Variants in CPO observed in about 807,000 individuals in gnomAD.
CPO encodes the protein carboxypeptidase O.
CPO carries 43 observed loss-of-function variants against 41.2 expected under a neutral mutation model. That is an observed-to-expected ratio of 1.04 (90% CI 0.82 to 1.35). CPO has a LOEUF of 1.35. Ranked by LOEUF, CPO falls within the 40% of genes most tolerant of loss-of-function variation. The pLI, the probability that CPO is intolerant of heterozygous loss-of-function variation, is 0.00. For missense variants in CPO, 408 were observed against 451.7 expected (o/e 0.90, Z 0.88); for synonymous variants, 178 against 162.7 (o/e 1.09, Z -0.72).
chr2:206,952,882 G>A (rs1417234916), intron 2 of CPO, among the ~76,000 whole-genome samples: 1 of 152,188 alleles, frequency 6.6e-6, no homozygotes, highest in Non-Finnish European at 1.5e-5. Context: ...GGTGGAATGT[G>A]AAGGAGGAGC....
intron 2 of CPO, among the ~76,000 whole-genome samples, chr2:206,951,737 T>G (rs1210523509): frequency 6.6e-6 from 1 of 152,252 alleles, no homozygotes; most frequent in African/African-American, 2.4e-5. Context: ...AACTTTTTAA[T>G]CCTCAGCTTC....
intron 7 of CPO, 119 bp from the exon 8 acceptor site, chr2:206,968,144 T>C (rs919125240): frequency 1.8e-5 from 13 of 723,540 alleles, no homozygotes; most frequent in East Asian, 2.7e-5. Context: ...AGATGTCCGA[T>C]GGGAAGTTGG....
At chr2:206,944,730 A>T (rs904855888) in intron 1 of CPO, among the ~76,000 whole-genome samples, 1 of 152,010 alleles carries the variant, frequency 6.6e-6, no homozygotes, top group African/African-American at 2.4e-5. Context: ...AATATTACTA[A>T]CAATTAATAA....
At chr2:206,959,351 C>T (rs957389995) in intron 4 of CPO, among the ~76,000 whole-genome samples, 4 of 152,048 alleles carry the variant, frequency 2.6e-5, no homozygotes, top group Non-Finnish European at 5.9e-5. Context: ...CCATTTCAAA[C>T]CTAGTAAATT....
intron 3 of CPO, among the ~76,000 whole-genome samples, chr2:206,955,943 G>T (rs1693349933): frequency 6.6e-6 from 1 of 152,064 alleles, no homozygotes; most frequent in South Asian, 2.1e-4. Context: ...TTTAAAAAAA[G>T]AAAAATGTTT....
At chr2:206,969,014 G>A (rs1227692371) in intron 8 of CPO, among the ~76,000 whole-genome samples, 160 bp from the exon 9 acceptor site, 1 of 152,190 alleles carries the variant, frequency 6.6e-6, no homozygotes, top group Non-Finnish European at 1.5e-5. Flanking sequence ...CCCTGCAGGG[G>A]CTTACAACCA....
At chr2:206,952,577 A>G (rs562639720) in intron 2 of CPO, among the ~76,000 whole-genome samples, 11 of 152,356 alleles carry the variant, frequency 7.2e-5, no homozygotes, top group African/African-American at 2.4e-4. Flanking sequence ...ACGGACTTCC[A>G]GACCAAGGTA....
rs186017275 is a variant in CPO at position 206,950,838 on chromosome 2, C to T, written c.165+1125C>T. On this transcript the variant is annotated intron_variant, in intron 2 of 8. Transcript: ENST00000272852. Reference sequence around the variant, plus strand: ...GCTATCACAAGGACAGAAAACCAAACGCTGCATGTTCTCACCCATAAGTGG... The same window carrying T: ...GCTATCACAAGGACAGAAAACCAAATGCTGCATGTTCTCACCCATAAGTGG... 5.9e-5 allele frequency among the ~76,000 whole-genome samples: 9 copies of T among 151,818 alleles called. No homozygotes were observed. In the South Asian group the frequency reaches 6.2e-4, roughly 11 times the overall value.
At chr2:206,961,048 A>G (rs897638223) in intron 6 of CPO, 106 bp downstream of exon 6, 48 of 805,752 alleles carry the variant, frequency 6.0e-5, no homozygotes, top group Non-Finnish European at 1.0e-4. Context: ...CTAATATGGT[A>G]CAGCTTTCTG....
At chr2:206,964,622 A>G (rs540343008) in intron 7 of CPO, among the ~76,000 whole-genome samples, 1 of 152,310 alleles carries the variant, frequency 6.6e-6, no homozygotes, top group Admixed American at 6.5e-5. Context: ...TTCCCAGTCA[A>G]CTATGCACTA....
chr2:206,961,286 G>A (rs552741627), intron 6 of CPO, among the ~76,000 whole-genome samples: 2 of 152,118 alleles, frequency 1.3e-5, no homozygotes, highest in Non-Finnish European at 2.9e-5. Flanking sequence ...TCATAGCAGG[G>A]GGCAGGCAGT....
chr2:206,943,713 TAGATGATGGATAGATGATAGATA>T (rs1693077735), intron 1 of CPO, among the ~76,000 whole-genome samples: 1 of 71,930 alleles, frequency 1.4e-5, no homozygotes, highest in African/African-American at 5.4e-5. Flanking sequence ...GATAGATAGA[TAGATGATGGATAGATGATAGATA>T]GATAGATAGA....
At chr2:206,944,042 T>G (rs1030758340) in intron 1 of CPO, among the ~76,000 whole-genome samples, 1 of 152,032 alleles carries the variant, frequency 6.6e-6, no homozygotes, top group African/African-American at 2.4e-5. Context: ...CTTAAGTAGA[T>G]TTTTAATTCT....
chr2:206,963,627 C>T (rs1693520141), intron 7 of CPO, among the ~76,000 whole-genome samples: 1 of 152,202 alleles, frequency 6.6e-6, no homozygotes, highest in South Asian at 2.1e-4. Flanking sequence ...TTTCACTAAG[C>T]ATATTATCCC....
chr2:206,961,012 A>C, intron 6 of CPO, 70 bp downstream of exon 6: 3 of 1,092,728 alleles, frequency 2.7e-6, no homozygotes, highest in Non-Finnish European at 4.2e-6. Flanking sequence ...GTGAATTACT[A>C]AATGTATAAT....
intron 2 of CPO, among the ~76,000 whole-genome samples, chr2:206,955,109 A>G (rs1219364964): frequency 6.6e-6 from 1 of 152,232 alleles, no homozygotes; most frequent in African/African-American, 2.4e-5. Context: ...AATAAGCCTC[A>G]CCTGAAATTT....
At chr2:206,944,607 A>T (rs1693107329) in intron 1 of CPO, among the ~76,000 whole-genome samples, 1 of 152,018 alleles carries the variant, frequency 6.6e-6, no homozygotes, top group African/African-American at 2.4e-5. Flanking sequence ...TATCTCATGA[A>T]GACACTGAGA....
At chr2:206,959,356 T>C (rs902033641) in intron 4 of CPO, among the ~76,000 whole-genome samples, 6 of 152,044 alleles carry the variant, frequency 3.9e-5, no homozygotes, top group African/African-American at 1.5e-4. Context: ...TCAAACCTAG[T>C]AAATTAGAAA....
In CPO at chr2:206,956,903, C is replaced by T. The variant is rs563266227; in HGVS notation, c.267+1339C>T. ...GGTTGATGTATTAAGCATGGGCCAC[C>T]TGCCTACCTGATTTTCCATAGGCAA... On this transcript the variant is annotated intron_variant, in intron 3 of 8. Transcript: ENST00000272852. 4.5e-4 allele frequency among the ~76,000 whole-genome samples: 69 copies of T among 152,322 alleles called. No homozygotes were observed. The South Asian group carries it at 0.013, about 29-fold the overall frequency.
Sources: gnomAD v4.1 joint callset for allele counts (sites outside exome capture counted in the v4.1 genomes callset) on GRCh38, gnomAD v4.1.1 for gene constraint, MANE v1.5 for transcripts, NCBI Gene and HGNC (gene_info 2026-07-23, HGNC 2026-07-21) for gene names.